The following OXR1 variants were observed in gnomAD, a reference collection of about 807,000 sequenced individuals.
OXR1 encodes oxidation resistance 1.
In OXR1, 41 loss-of-function variants were observed where a neutral mutation model predicts 104.6. The observed-to-expected ratio is 0.39, with a 90% CI of 0.31 to 0.51. The LOEUF (loss-of-function observed/expected upper bound fraction) is 0.51, where lower values mean the gene tolerates loss of function less well. Ranked by LOEUF, OXR1 falls within the 20% of genes least tolerant of loss-of-function variation. OXR1 has a pLI of 0.77. For synonymous variants in OXR1, 348 were observed against 348.4 expected (o/e 1.00, Z 0.01); for missense variants, 955 against 1,031.9 (o/e 0.93, Z 1.02).
At chr8:106,522,309 A>T (rs1813321039) in intron 3 of OXR1, among the ~76,000 whole-genome samples, 1 of 152,246 alleles carries the variant, frequency 6.6e-6, no homozygotes, top group Non-Finnish European at 1.5e-5. Context: ...TAACCTATGC[A>T]CATGCTCCTG....
At chr8:106,459,756 A>G (rs902670240) in intron 2 of OXR1, among the ~76,000 whole-genome samples, 2 of 152,194 alleles carry the variant, frequency 1.3e-5, no homozygotes, top group Admixed American at 1.3e-4. Context: ...ATATAGCCTC[A>G]TTTATAAATT....
At chr8:106,383,515 C>A (rs913406282) in intron 2 of OXR1, among the ~76,000 whole-genome samples, 1 of 152,122 alleles carries the variant, frequency 6.6e-6, no homozygotes, top group Non-Finnish European at 1.5e-5. Context: ...GCAATGCTCA[C>A]AAATCTATAA....
chr8:106,388,124 G>T (rs1817451980), intron 2 of OXR1, among the ~76,000 whole-genome samples: 1 of 152,188 alleles, frequency 6.6e-6, no homozygotes, highest in Non-Finnish European at 1.5e-5. Flanking sequence ...ATTGCAAAGG[G>T]AAGGAAAAGG....
chr8:106,424,392 C>A (rs1052377243), intron 2 of OXR1, among the ~76,000 whole-genome samples: 6 of 152,082 alleles, frequency 3.9e-5, no homozygotes, highest in African/African-American at 1.2e-4. Flanking sequence ...TTATCATCTA[C>A]TTTTTCCTAC....
Position 106,706,723 on chromosome 8 carries a change from C to T in OXR1, c.1202C>T (p.Ser401Phe). 1.2e-6 allele frequency: 2 copies of T among 1,611,498 alleles called. No homozygotes were observed. The highest frequency in any genetic ancestry group is 1.7e-6 in the Non-Finnish European group (2 of 1,179,280). The change falls in exon 9 of 17, where the codon TCT (serine) becomes TTT (phenylalanine). Residue 401 changes from serine (S) to phenylalanine (F), a missense_variant. Physicochemically the swap from Ser to Phe is radical, Grantham distance 155. Transcript: ENST00000517566. ...CACTTAAGATCTGATACTGAACATT[C>T]TACAAATGAAGTTGGGACTTTATGT... ...PGHLRSDTEHSTNEVGTLCHK... is the reference protein window; with the variant it reads ...PGHLRSDTEHFTNEVGTLCHK...
At chr8:106,335,319 A>T (rs765988331) in intron 1 of OXR1, among the ~76,000 whole-genome samples, 2 of 151,910 alleles carry the variant, frequency 1.3e-5, no homozygotes, top group Admixed American at 6.6e-5. Flanking sequence ...TTAATTGTTG[A>T]TTTACGGGTC....
chr8:106,374,929 G>A (rs552551813), intron 2 of OXR1, among the ~76,000 whole-genome samples: 44 of 152,246 alleles, frequency 2.9e-4, no homozygotes, highest in African/African-American at 9.6e-4. Context: ...ATAGACTCCC[G>A]CTGTAATTGA....
At chr8:106,668,492 G>T (rs1245137174) in intron 3 of OXR1, among the ~76,000 whole-genome samples, 3 of 152,150 alleles carry the variant, frequency 2.0e-5, no homozygotes, top group African/African-American at 7.2e-5. Context: ...CTTTCTTCTG[G>T]AATACATGTT....
At chr8:106,739,681 T>A (rs1233291410) in intron 13 of OXR1, 98 bp downstream of exon 13, 1 of 1,106,448 alleles carries the variant, frequency 9.0e-7, no homozygotes, top group Non-Finnish European at 1.3e-6. Flanking sequence ...ACAGCGTTAA[T>A]GCTATTACTA....
chr8:106,342,823 C>T (rs1230047471), intron 1 of OXR1, among the ~76,000 whole-genome samples: 3 of 152,196 alleles, frequency 2.0e-5, no homozygotes, highest in Non-Finnish European at 4.4e-5. Context: ...CACTCTCCAG[C>T]ACCGGTTGTT....
At chr8:106,494,825 G>C (rs1393270180) in intron 2 of OXR1, among the ~76,000 whole-genome samples, 1 of 152,158 alleles carries the variant, frequency 6.6e-6, no homozygotes, top group Non-Finnish European at 1.5e-5. Flanking sequence ...TTTGAGACAC[G>C]CTGTGGTGTC....
intron 2 of OXR1, among the ~76,000 whole-genome samples, chr8:106,477,233 C>T (rs1386607424): frequency 6.6e-6 from 1 of 151,866 alleles, no homozygotes; most frequent in Non-Finnish European, 1.5e-5. Flanking sequence ...ACACTAGAAC[C>T]ATGAGAAATC....
intron 1 of OXR1, among the ~76,000 whole-genome samples, chr8:106,341,936 C>T (rs1258328535): frequency 2.6e-5 from 4 of 151,162 alleles, no homozygotes; most frequent in Non-Finnish European, 5.9e-5. Context: ...AGTTTAGTGG[C>T]TCCATTATAG....
At chr8:106,658,122 G>T in intron 3 of OXR1, 1 of 1,247,012 alleles carries the variant, frequency 8.0e-7, no homozygotes. Context: ...GCCAGCCCAG[G>T]GGGACCTCGG....
intron 2 of OXR1, among the ~76,000 whole-genome samples, chr8:106,502,992 T>C (rs1563565994): frequency 6.6e-6 from 1 of 152,316 alleles, no homozygotes; most frequent in East Asian, 1.9e-4. Context: ...AAACTACTTA[T>C]CTTTTTTTAT....
intron 2 of OXR1, among the ~76,000 whole-genome samples, chr8:106,360,070 A>C (rs1313330732): frequency 3.3e-5 from 5 of 152,168 alleles, no homozygotes; most frequent in Admixed American, 3.3e-4. Context: ...ACCCAGATTA[A>C]ACTGAATAGA....
At chr8:106,710,852 G>GACACACAAAATAATT in intron 10 of OXR1, 62 bp downstream of exon 10, 4 of 1,066,468 alleles carry the variant, frequency 3.8e-6, no homozygotes, top group Non-Finnish European at 5.1e-6. Flanking sequence ...AAATTATTTT[G>GACACACAAAATAATT]TGTGTCAAAA....
At position 106,736,172 on chromosome 8, in the gene OXR1, C is replaced by A. The variant is rs183942697; in HGVS notation, c.1957-1348C>A. Among the ~76,000 whole-genome samples the A allele has an allele frequency of 3.3e-5, 5 of 151,348 alleles. No individual in the cohort carries two copies. In the East Asian group the frequency reaches 7.8e-4, roughly 24 times the overall value. Reference sequence around the variant, plus strand: ...AACCCAGGTTTATCTGACACCCCCCCCCATCCGCCCCCAGAGCTAGAGAGA... The same window carrying A: ...AACCCAGGTTTATCTGACACCCCCCACCATCCGCCCCCAGAGCTAGAGAGA... On this transcript the variant is annotated intron_variant, in intron 11 of 16. Transcript: ENST00000517566.
At chr8:106,358,466 C>T (rs931994467) in intron 1 of OXR1, among the ~76,000 whole-genome samples, 4 of 152,172 alleles carry the variant, frequency 2.6e-5, no homozygotes, top group Non-Finnish European at 4.4e-5. Flanking sequence ...TTTATTAGAA[C>T]ACTTTCCCTA....
Sources: gnomAD v4.1 joint callset for allele counts (sites outside exome capture counted in the v4.1 genomes callset) on GRCh38, gnomAD v4.1.1 for gene constraint, MANE v1.5 for transcripts, NCBI Gene and HGNC (gene_info 2026-07-23, HGNC 2026-07-21) for gene names.